The following LDLRAD4 variants were observed in gnomAD, a reference collection of about 807,000 sequenced individuals.
LDLRAD4 encodes the protein low density lipoprotein receptor class A domain containing 4.
A neutral mutation model predicts 17.0 loss-of-function variants in LDLRAD4; 5 were observed. The observed-to-expected ratio is 0.29, with a 90% CI of 0.15 to 0.62. The LOEUF (loss-of-function observed/expected upper bound fraction) is 0.62. Among genes scored for constraint, LDLRAD4 ranks in the 20% least tolerant of loss-of-function variants. LDLRAD4 has a pLI of 0.84. For synonymous variants in LDLRAD4, 168 were observed against 171.8 expected, an observed-to-expected ratio of 0.98 and a Z score of 0.17; for missense variants, 340 against 424.7, an observed-to-expected ratio of 0.80 and a Z score of 1.75.
rs956176606 is a variant in LDLRAD4, at chr18:13,645,363, C to T, written c.627C>T (p.Pro209=). The T allele has an allele frequency of 1.5e-5, 25 of 1,614,082 alleles. No individual in the cohort carries two copies. Among genetic ancestry groups the T allele is most frequent in the Non-Finnish European group, 2.0e-5 (24 of 1,180,050 alleles). ...ACCGAGAGTCCGTGAGGGCCCCACC[C>T]AACCGAACCATATTTGACAGTGATT... The change falls in exon 6 of 6, where the codon CCC becomes CCT. Residue 209 remains proline, a synonymous_variant. Transcript: ENST00000359446. This position sits in a 1 kb window ranked among gnomAD's most constrained non-coding sequence, Gnocchi z 5.7.
chr18:13,328,661 T>C (rs749578469), intron 1 of LDLRAD4, among the ~76,000 whole-genome samples: 12 of 152,234 alleles, frequency 7.9e-5, no homozygotes, highest in Non-Finnish European at 1.6e-4. Flanking sequence ...TCTTATATGA[T>C]TGTCACAATA....
intron 1 of LDLRAD4, among the ~76,000 whole-genome samples, chr18:13,381,689 C>T (rs962942245): frequency 6.6e-6 from 1 of 152,208 alleles, no homozygotes; most frequent in South Asian, 2.1e-4. Context: ...CACATGGAGA[C>T]GTGTGACATC....
At chr18:13,439,860 A>G (rs1298707533) in intron 3 of LDLRAD4, among the ~76,000 whole-genome samples, 3 of 152,182 alleles carry the variant, frequency 2.0e-5, no homozygotes, top group Non-Finnish European at 4.4e-5. Flanking sequence ...CATGGATGGA[A>G]CAATGATGTT....
At position 13,433,551 on chromosome 18, in the gene LDLRAD4, T is replaced by C. The variant is rs143103363; in HGVS notation, c.41-4693T>C. Among the ~76,000 whole-genome samples the C allele has an allele frequency of 6.7e-3, 1,016 of 152,032 alleles. 18 individuals are homozygous for C. Among genetic ancestry groups the C allele is most frequent in the African/African-American group, 0.023 (957 of 41,448 alleles). Reference sequence around the variant, plus strand: ...TTGTTGCCTGTTAACTAGTAGAATGTTGACTCTACCAAGCAGATTAAATTT... The same window carrying C: ...TTGTTGCCTGTTAACTAGTAGAATGCTGACTCTACCAAGCAGATTAAATTT... On this transcript the variant is annotated intron_variant, in intron 2 of 5. Transcript: ENST00000359446.
intron 2 of LDLRAD4, among the ~76,000 whole-genome samples, chr18:13,389,785 A>G (rs1223983262): frequency 6.6e-6 from 1 of 151,904 alleles, no homozygotes; most frequent in Admixed American, 6.5e-5. Context: ...CCCCAAAGGA[A>G]AGGGAAAGGC....
At chr18:13,623,537 G>A (rs1785182) in intron 4 of LDLRAD4, among the ~76,000 whole-genome samples, 98,921 of 152,144 alleles carry the variant, frequency 0.65, 32,482 homozygotes, top group East Asian at 0.89. Flanking sequence ...CGGCTTCAGC[G>A]TAGCTTAGCA....
At chr18:13,375,886 T>G (rs956603218) in intron 1 of LDLRAD4, among the ~76,000 whole-genome samples, 5 of 152,202 alleles carry the variant, frequency 3.3e-5, no homozygotes, top group African/African-American at 4.8e-5. Flanking sequence ...GTTTCCCGAT[T>G]TCAAGTGTAT....
chr18:13,629,941 C>T (rs917000851), intron 4 of LDLRAD4, among the ~76,000 whole-genome samples: 2 of 152,204 alleles, frequency 1.3e-5, no homozygotes, highest in South Asian at 2.1e-4. Flanking sequence ...GCTCTGACTT[C>T]TTCTCACATG....
At chr18:13,577,362 T>C (rs1601508740) in intron 3 of LDLRAD4, among the ~76,000 whole-genome samples, 1 of 152,098 alleles carries the variant, frequency 6.6e-6, no homozygotes. Context: ...GCAGCGGCAG[T>C]CCTGAGTCTC....
intron 2 of LDLRAD4, among the ~76,000 whole-genome samples, chr18:13,428,293 T>G (rs188699899): frequency 6.6e-6 from 1 of 151,894 alleles, no homozygotes; most frequent in Non-Finnish European, 1.5e-5. Context: ...GAAGGCCTGA[T>G]GAAAGTGAGG....
At chr18:13,463,653 G>A (rs1222337247) in intron 3 of LDLRAD4, among the ~76,000 whole-genome samples, 3 of 152,004 alleles carry the variant, frequency 2.0e-5, no homozygotes, top group Non-Finnish European at 2.9e-5. Context: ...AGTAACTAAC[G>A]GCAGGTGACA....
At chr18:13,577,481 T>G (rs939749511) in intron 3 of LDLRAD4, among the ~76,000 whole-genome samples, 5 of 151,830 alleles carry the variant, frequency 3.3e-5, no homozygotes, top group Admixed American at 2.6e-4. Context: ...GCAGAGTGAG[T>G]TATGACTCAG....
At chr18:13,590,935 C>T (rs1461544851) in intron 3 of LDLRAD4, among the ~76,000 whole-genome samples, 6 of 152,148 alleles carry the variant, frequency 3.9e-5, no homozygotes, top group Non-Finnish European at 8.8e-5. Flanking sequence ...GAGGCTGGTG[C>T]TTGTGTTCTC....
chr18:13,230,831 C>T (rs1371349792), intron 1 of LDLRAD4, among the ~76,000 whole-genome samples: 2 of 152,340 alleles, frequency 1.3e-5, no homozygotes, highest in South Asian at 4.1e-4. Context: ...CTCTCCTAGG[C>T]TCCTCTTTCT....
At chr18:13,256,097 C>T (rs936440474) in intron 1 of LDLRAD4, among the ~76,000 whole-genome samples, 3 of 152,156 alleles carry the variant, frequency 2.0e-5, no homozygotes, top group Admixed American at 6.5e-5. Flanking sequence ...CCAAGAAAGA[C>T]GTGATGTAAA....
chr18:13,287,108 C>T (rs1195772135), intron 1 of LDLRAD4, among the ~76,000 whole-genome samples: 1 of 152,130 alleles, frequency 6.6e-6, no homozygotes, highest in Non-Finnish European at 1.5e-5. Context: ...GAAGTCACCA[C>T]ACACAGAGAC....
intron 3 of LDLRAD4, chr18:13,612,171 T>C: frequency 8.1e-6 from 8 of 987,050 alleles, no homozygotes; most frequent in Non-Finnish European, 9.6e-6. Flanking sequence ...TGGACTGGTT[T>C]GATATTTGCC....
At chr18:13,402,247 C>T (rs1228909970) in intron 2 of LDLRAD4, among the ~76,000 whole-genome samples, 1 of 152,172 alleles carries the variant, frequency 6.6e-6, no homozygotes, top group African/African-American at 2.4e-5. Flanking sequence ...GGTGTCAGCA[C>T]AGCCCCTTGC....
intron 3 of LDLRAD4, among the ~76,000 whole-genome samples, chr18:13,586,498 G>A (rs545569625): frequency 2.6e-5 from 4 of 151,328 alleles, no homozygotes; most frequent in Non-Finnish European, 5.9e-5. Flanking sequence ...ACCAAGTGAA[G>A]TCAGATTATG....
Sources: allele counts gnomAD v4.1 joint callset (sites outside exome capture counted in the v4.1 genomes callset), GRCh38; gene constraint gnomAD v4.1.1; non-coding constraint Gnocchi (gnomAD v3.1); transcripts MANE v1.5; gene names NCBI Gene and HGNC (gene_info 2026-07-23, HGNC 2026-07-21).